The following WDR43 variants were observed in gnomAD, a reference collection of about 807,000 sequenced individuals.
The protein encoded by WDR43 is WD repeat-containing protein 43.
WDR43 carries 13 observed loss-of-function variants against 91.4 expected under a neutral mutation model. The ratio of observed to expected loss-of-function variants is 0.14; its 90% CI spans 0.09 to 0.23. The LOEUF is 0.23. Ranked by LOEUF, WDR43 falls within the 10% of genes least tolerant of loss-of-function variation. The probability of loss-of-function intolerance (pLI) is 1.00; values close to 1 mark genes in which losing one functional copy is unlikely to be tolerated. For missense variants in WDR43, 780 were observed against 809.4 expected (o/e 0.96, Z 0.44); for synonymous variants, 331 against 287.9 (o/e 1.15, Z -1.51).
At chr2:28,939,615 C>T (rs1671397295) in intron 14 of WDR43, among the ~76,000 whole-genome samples, 1 of 152,178 alleles carries the variant, frequency 6.6e-6, no homozygotes, top group Non-Finnish European at 1.5e-5. Flanking sequence ...AGCAATGTAC[C>T]AAACACTCTG....
chr2:28,940,744 G>A (rs747381037), intron 14 of WDR43, among the ~76,000 whole-genome samples: 1 of 152,138 alleles, frequency 6.6e-6, no homozygotes, highest in African/African-American at 2.4e-5. Context: ...AATGATCAAG[G>A]GGACTTTAAG....
intron 14 of WDR43, 59 bp downstream of exon 14, chr2:28,938,053 A>C: frequency 6.4e-7 from 1 of 1,566,624 alleles, no homozygotes; most frequent in South Asian, 1.1e-5. Context: ...TAAGGATTGT[A>C]AACTTTGACA....
chr2:28,912,586 A>G lies in WDR43; in HGVS notation c.486-4A>G. ...AGATGCTTTTTTTTCTCTTCACAAT[A>G]TAGCAAATGGAAAGGCGACAATAGC... On this transcript the variant is annotated splice_polypyrimidine_tract_variant and splice_region_variant and intron_variant, in intron 3 of 17. Transcript: ENST00000407426. 1 of 1,613,224 alleles carries G rather than the reference A, an allele frequency of 6.2e-7. No individual in the cohort carries two copies. Among genetic ancestry groups the G allele is most frequent in the Non-Finnish European group, 8.5e-7 (1 of 1,179,674 alleles).
intron 2 of WDR43, chr2:28,905,200 G>A (rs1213133951): frequency 6.6e-6 from 1 of 152,168 alleles, no homozygotes; most frequent in Non-Finnish European, 1.5e-5. Flanking sequence ...TTCAGAGGAG[G>A]GGCATACTAG....
At chr2:28,927,416 A>G (rs773322664) in intron 9 of WDR43, 153 bp from the exon 10 acceptor site, 11 of 964,618 alleles carry the variant, frequency 1.1e-5, no homozygotes, top group East Asian at 2.7e-5. Context: ...GTTTGTCAAC[A>G]TTCAATTTAA....
chr2:28,930,877 C>G (rs1156894902), intron 11 of WDR43, among the ~76,000 whole-genome samples: 1 of 152,166 alleles, frequency 6.6e-6, no homozygotes, highest in African/African-American at 2.4e-5. Context: ...TCTCACTTGT[C>G]TCCCCAAGTT....
chr2:28,917,943 T>C lies in WDR43; in HGVS notation c.797T>C (p.Val266Ala), dbSNP rs780606213. Reference sequence around the variant, plus strand: ...AAGAGTGCAGTGATGTCATTTACAGTTACCGATGAACCTGTCTATATTGAC... The same window carrying C: ...AAGAGTGCAGTGATGTCATTTACAGCTACCGATGAACCTGTCTATATTGAC... ...KEKSAVMSFT[V>A]TDEPVYIDLT... Residue 266 changes from valine to alanine, a missense_variant, in exon 6 of 18, where the codon GTT becomes GCT. This residue lies in a region of WDR43 where 5 missense variants were observed against 20.4 expected (regional missense o/e 0.25). Coordinates refer to ENST00000407426, the MANE Select transcript of WDR43 (RefSeq NM_015131.3). 3.8e-5 allele frequency: 60 copies of C among 1,587,344 alleles called. No homozygotes were observed.
chr2:28,907,475 G>C (rs1230792156), intron 3 of WDR43, among the ~76,000 whole-genome samples: 1 of 147,816 alleles, frequency 6.8e-6, no homozygotes, highest in Non-Finnish European at 1.5e-5. Context: ...AAAATTGGGT[G>C]TGGTGGCATG....
intron 7 of WDR43, 73 bp downstream of exon 7, chr2:28,923,056 G>C (rs1671066041): frequency 7.9e-7 from 1 of 1,271,972 alleles, no homozygotes; most frequent in East Asian, 2.4e-5. Flanking sequence ...CTCCCACCTG[G>C]TTATTCTTTG....
intron 1 of WDR43, among the ~76,000 whole-genome samples, chr2:28,899,217 T>C (rs1042709327): frequency 1.3e-5 from 2 of 152,234 alleles, no homozygotes; most frequent in Non-Finnish European, 2.9e-5. Context: ...TTAATATATT[T>C]ATCTGTATAA....
Position 28,912,571 on chromosome 2 carries a change from T to C in WDR43, c.486-19T>C, listed in dbSNP as rs758424735. On this transcript the variant is annotated intron_variant, in intron 3 of 17. Transcript: ENST00000407426. Reference sequence around the variant, plus strand: ...TTCTCTCATGTATTGAGATGCTTTTTTTTCTCTTCACAATATAGCAAATGG... The same window carrying C: ...TTCTCTCATGTATTGAGATGCTTTTCTTTCTCTTCACAATATAGCAAATGG... The C allele has an allele frequency of 1.6e-5, 25 of 1,605,210 alleles. No individual in the cohort carries two copies. The South Asian group carries it at 2.7e-4, about 17-fold the overall frequency.
intron 3 of WDR43, among the ~76,000 whole-genome samples, chr2:28,911,610 T>G (rs116010745): frequency 0.011 from 1,605 of 148,068 alleles, 29 homozygotes; most frequent in African/African-American, 0.037. Context: ...TAACCTCTTT[T>G]GTTATTCAGG....
Position 28,894,815 on chromosome 2 carries a change from A to G in WDR43, c.117A>G (p.Arg39=), listed in dbSNP as rs765625432. The stretch of plus-strand genomic sequence containing the variant: ...TGGCCTCTACCGACGGTCACTTACG[A>G]GTATGGGAGACGGCCAACAACCGGC... ...FALASTDGHL[R]VWETANNRLH... The change falls in exon 1 of 18, where the codon CGA becomes CGG. Residue 39 remains arginine, a synonymous_variant. Coordinates refer to ENST00000407426, the MANE Select transcript of WDR43 (RefSeq NM_015131.3). 1 of 1,611,250 alleles carries G rather than the reference A, an allele frequency of 6.2e-7. No homozygotes were observed. The highest frequency in any genetic ancestry group is 1.7e-5 in the Admixed American group (1 of 59,724).
At chr2:28,905,745 A>G (rs1007600409) in intron 2 of WDR43, among the ~76,000 whole-genome samples, 2 of 150,790 alleles carry the variant, frequency 1.3e-5, no homozygotes, top group Admixed American at 6.6e-5. Context: ...GCTCACTGCA[A>G]CCTCTGCCTC....
At chr2:28,927,071 T>C (rs775835093) in intron 9 of WDR43, 1 of 519,496 alleles carries the variant, frequency 1.9e-6, no homozygotes, top group South Asian at 1.4e-5. Flanking sequence ...CAAGACATGC[T>C]ATGATGACAT....
Position 28,902,076 on chromosome 2 carries a change from C to T in WDR43, c.315C>T (p.Ser105=), listed in dbSNP as rs1572579149. The T allele has an allele frequency of 1.2e-6, 2 of 1,609,718 alleles. No individual in the cohort carries two copies. Among genetic ancestry groups the T allele is most frequent in the East Asian group, 2.2e-5 (1 of 44,718 alleles). ...TGGCTCTTGGCACAGCAGTTGGTAG[C>T]ATTTTATTATACAGCACAGTAAAAG... ...DLLALGTAVG[S]ILLYSTVKGE... The change falls in exon 2 of 18, where the codon AGC becomes AGT. Residue 105 remains serine, a synonymous_variant. Transcript: ENST00000407426.
chr2:28,916,462 T>C (rs1157799211), intron 5 of WDR43, among the ~76,000 whole-genome samples: 9 of 152,200 alleles, frequency 5.9e-5, no homozygotes, highest in Admixed American at 5.9e-4. Context: ...TGGGTAGTGG[T>C]ATTTTGTGTT....
At chr2:28,926,072 A>C (rs972973630) in intron 8 of WDR43, among the ~76,000 whole-genome samples, 3 of 152,238 alleles carry the variant, frequency 2.0e-5, no homozygotes, top group Non-Finnish European at 4.4e-5. Context: ...TGGAAAGGAC[A>C]ATAGGAGAGT....
At position 28,936,915 on chromosome 2, in the gene WDR43, C is replaced by T. The variant is rs777100870; in HGVS notation, c.1525-7C>T. ...GCTGTTGTTAATAGTGTTTTTCTCT[C>T]CCTTAGCTTACAAAGAGGTTACAAG... On this transcript the variant is annotated splice_polypyrimidine_tract_variant and splice_region_variant and intron_variant, in intron 12 of 17. Coordinates refer to ENST00000407426, the MANE Select transcript of WDR43 (RefSeq NM_015131.3). 5.1e-6 allele frequency: 8 copies of T among 1,569,224 alleles called. No homozygotes were observed. In the African/African-American group the frequency reaches 5.4e-5, roughly 11 times the overall value.
Sources: allele counts gnomAD v4.1 joint callset (sites outside exome capture counted in the v4.1 genomes callset), GRCh38; gene constraint gnomAD v4.1.1; regional missense constraint gnomAD v4.1.1; transcripts MANE v1.5; gene names NCBI Gene and HGNC (gene_info 2026-07-23, HGNC 2026-07-21).